The following TBC1D8 variants were observed in gnomAD, a reference collection of about 807,000 sequenced individuals.
TBC1D8 encodes BUB2-like protein 1.
A neutral mutation model predicts 118.8 loss-of-function variants in TBC1D8; 65 were observed. That is an observed-to-expected ratio of 0.55 (90% CI 0.45 to 0.67). The LOEUF (loss-of-function observed/expected upper bound fraction) is 0.67, where lower values mean the gene tolerates loss of function less well. TBC1D8 is among the 30% of genes least tolerant of loss of function. TBC1D8 has a pLI of 0.00. For synonymous variants in TBC1D8, 566 were observed against 595.8 expected, an observed-to-expected ratio of 0.95 and a Z score of 0.73; for missense variants, 1,376 against 1,471.2, an observed-to-expected ratio of 0.94 and a Z score of 1.06.
rs376611945 is a variant in TBC1D8 at position 101,117,797 on chromosome 2, G to A, written c.128-27433C>T. Among the ~76,000 whole-genome samples the A allele has an allele frequency of 1.0e-4, 15 of 150,740 alleles. No individual in the cohort carries two copies. The East Asian group carries it at 1.2e-3, about 12-fold the overall frequency. ...TCACTCTGTCAGGCAGGATGGTCTCGATCTCCTGATCTTGTGATCCGCCCG... is the reference window on the plus strand; with the variant it reads ...TCACTCTGTCAGGCAGGATGGTCTCAATCTCCTGATCTTGTGATCCGCCCG... On this transcript the variant is annotated intron_variant, in intron 1 of 19. Transcript: ENST00000409318.
At chr2:101,017,192 A>AT (rs750602097) in intron 17 of TBC1D8, among the ~76,000 whole-genome samples, 11 of 152,120 alleles carry the variant, frequency 7.2e-5, no homozygotes, top group Non-Finnish European at 1.3e-4. Flanking sequence ...TTCATGGGCA[A>AT]TAACACACAC....
At position 101,050,598 on chromosome 2, in the gene TBC1D8, T is replaced by G; in HGVS notation, c.675A>C (p.Arg225Ser). ...TATCCGTCAGAAAGACATTGGACGT[T>G]CTTTCTAATTTCTGGATATCAACCC... ...VPWVDIQKLE[R>S]TSNVFLTDTI... Residue 225 changes from arginine (R) to serine (S), a missense_variant, in exon 5 of 20, where the codon AGA becomes AGC. Coordinates refer to ENST00000409318, the MANE Select transcript of TBC1D8 (RefSeq NM_001330348.2). 1 of 1,613,966 alleles carries G rather than the reference T, an allele frequency of 6.2e-7. No homozygotes were observed. Among genetic ancestry groups the G allele is most frequent in the South Asian group, 1.1e-5 (1 of 91,080 alleles).
chr2:101,056,841 C>T (rs1682467848), intron 3 of TBC1D8, among the ~76,000 whole-genome samples: 2 of 152,056 alleles, frequency 1.3e-5, no homozygotes, highest in African/African-American at 4.8e-5. Flanking sequence ...TGGTTATAGG[C>T]ACAGCTTGAA....
chr2:101,074,127 G>A (rs917520731), intron 2 of TBC1D8, among the ~76,000 whole-genome samples: 1 of 152,136 alleles, frequency 6.6e-6, no homozygotes, highest in East Asian at 1.9e-4. Context: ...AAAGACATAC[G>A]ACATTTTCTT....
rs13394856 is a variant in TBC1D8, at chr2:101,047,112, T to C, written c.872+3289A>G. On this transcript the variant is annotated intron_variant, in intron 5 of 19. Transcript: ENST00000409318. Reference sequence around the variant, plus strand: ...CCTCTGTGGGCAGCTCCTCAGTCACTCTGCCCTCTTGGACTCCGAGGCTAT... The same window carrying C: ...CCTCTGTGGGCAGCTCCTCAGTCACCCTGCCCTCTTGGACTCCGAGGCTAT... 2.8e-3 allele frequency among the ~76,000 whole-genome samples: 424 copies of C among 152,272 alleles called. 3 individuals carry two copies. Among genetic ancestry groups the C allele is most frequent in the African/African-American group, 9.3e-3 (387 of 41,566 alleles).
intron 1 of TBC1D8, among the ~76,000 whole-genome samples, chr2:101,092,814 C>T (rs981243055): frequency 8.5e-5 from 13 of 152,276 alleles, no homozygotes; most frequent in East Asian, 1.9e-4. Flanking sequence ...AAAGCCAGTA[C>T]GGGGAAGCCA....
chr2:101,117,264 C>T (rs984161027), intron 1 of TBC1D8, among the ~76,000 whole-genome samples: 5 of 152,166 alleles, frequency 3.3e-5, no homozygotes, highest in Non-Finnish European at 5.9e-5. Context: ...GGGATCAGCC[C>T]TTAGAAACTG....
Position 101,144,795 on chromosome 2 carries a change from G to A in TBC1D8, c.127+6332C>T, listed in dbSNP as rs182397955. ...TCTACTAAAATACAAAAAATTAGCC[G>A]GGTGTGGTGGTGCGTGCCTGTAGTC... On this transcript the variant is annotated intron_variant, in intron 1 of 19. Coordinates refer to ENST00000409318, the MANE Select transcript of TBC1D8 (RefSeq NM_001330348.2). Among the ~76,000 whole-genome samples the A allele has an allele frequency of 1.7e-3, 264 of 152,106 alleles. 3 individuals carry two copies. Among genetic ancestry groups the A allele is most frequent in the East Asian group, 4.6e-3 (24 of 5,164 alleles).
At chr2:101,036,515 G>T (rs995491575) in intron 8 of TBC1D8, among the ~76,000 whole-genome samples, 1 of 151,640 alleles carries the variant, frequency 6.6e-6, no homozygotes, top group Non-Finnish European at 1.5e-5. Flanking sequence ...GGGTAAGGGG[G>T]ACGCTGGGGG....
chr2:101,102,878 T>A (rs987006551), intron 1 of TBC1D8, among the ~76,000 whole-genome samples: 19 of 147,752 alleles, frequency 1.3e-4, no homozygotes, highest in Non-Finnish European at 1.8e-4. Flanking sequence ...AAAATAAAAT[T>A]AAAAAAAAAA....
At chr2:101,083,840 AC>A (rs1243298269) in intron 2 of TBC1D8, among the ~76,000 whole-genome samples, 5 of 152,168 alleles carry the variant, frequency 3.3e-5, no homozygotes, top group Admixed American at 2.6e-4. Flanking sequence ...AATGCTCAAG[AC>A]ACAATAAAAT....
chr2:101,151,064 C>CGG, intron 1 of TBC1D8, 63 bp downstream of exon 1: 2 of 970,972 alleles, frequency 2.1e-6, no homozygotes, highest in Non-Finnish European at 2.5e-6. Context: ...CTGGGGGCCG[C>CGG]GGGCCCGGCG....
intron 3 of TBC1D8, among the ~76,000 whole-genome samples, chr2:101,055,898 C>T (rs1682391643): frequency 6.6e-6 from 1 of 152,032 alleles, no homozygotes; most frequent in African/African-American, 2.4e-5. Flanking sequence ...CATGTAAGCC[C>T]AAAAGTTTGA....
At position 101,036,110 on chromosome 2, in the gene TBC1D8, G is replaced by T. The variant is rs1470826522; in HGVS notation, c.1511C>A (p.Thr504Asn). Residue 504 changes from threonine to asparagine, a missense_variant, in exon 9 of 20, where the codon ACC becomes AAC. By Grantham distance (65) the Thr-to-Asn change is moderately conservative (BLOSUM62 0). Coordinates refer to ENST00000409318, the MANE Select transcript of TBC1D8 (RefSeq NM_001330348.2). The stretch of plus-strand genomic sequence containing the variant: ...CTTCTCTGTGCGAAACATACACACG[G>T]TTCTGCCGTATTCCACAAAGTGGTC... ...WNDHFVEYGR[T>N]VCMFRTEKIR... The T allele has an allele frequency of 6.2e-7, 1 of 1,613,840 alleles. No homozygotes were observed. Among genetic ancestry groups the T allele is most frequent in the Non-Finnish European group, 8.5e-7 (1 of 1,179,900 alleles).
At chr2:101,009,821 C>CA (rs144990163) in intron 19 of TBC1D8, among the ~76,000 whole-genome samples, 36,204 of 133,940 alleles carry the variant, frequency 0.27, 5,410 homozygotes, top group Middle Eastern at 0.42. Context: ...AAAAAAGGAG[C>CA]TTTTTCTTTT....
At chr2:101,067,384 G>A (rs768361170) in intron 2 of TBC1D8, among the ~76,000 whole-genome samples, 4 of 152,174 alleles carry the variant, frequency 2.6e-5, no homozygotes, top group African/African-American at 4.8e-5. Context: ...ACAGACTGTC[G>A]TGGGGGACGT....
chr2:101,008,513 C>CA (rs933709251), intron 19 of TBC1D8, among the ~76,000 whole-genome samples: 1 of 152,158 alleles, frequency 6.6e-6, no homozygotes, highest in African/African-American at 2.4e-5. Context: ...TTTAACAAAG[C>CA]AATTCAAGAA....
intron 1 of TBC1D8, among the ~76,000 whole-genome samples, chr2:101,122,784 C>T (rs1015785113): frequency 1.3e-5 from 2 of 152,160 alleles, no homozygotes; most frequent in African/African-American, 4.8e-5. Flanking sequence ...ATTTTGAAGA[C>T]AGATCCGCTT....
intron 9 of TBC1D8, among the ~76,000 whole-genome samples, chr2:101,034,970 G>C (rs976833120): frequency 6.6e-6 from 1 of 152,126 alleles, no homozygotes; most frequent in East Asian, 1.9e-4. Context: ...GAGTGTGCCA[G>C]GAAGCATGAA....
Sources: allele counts gnomAD v4.1 joint callset (sites outside exome capture counted in the v4.1 genomes callset), GRCh38; gene constraint gnomAD v4.1.1; transcripts MANE v1.5; gene names NCBI Gene and HGNC (gene_info 2026-07-23, HGNC 2026-07-21).